Variants in LARGE1 observed in about 807,000 individuals in gnomAD.
LARGE1 encodes LARGE xylosyl- and glucuronyltransferase 1.
A neutral mutation model predicts 87.6 loss-of-function variants in LARGE1; 43 were observed. That is an observed-to-expected ratio of 0.49 (90% confidence interval 0.38 to 0.63). LARGE1 has a LOEUF of 0.63. Ranked by LOEUF, LARGE1 falls within the 30% of genes least tolerant of loss-of-function variation. The pLI is 0.00. For synonymous variants in LARGE1, 434 were observed against 394.6 expected, an observed-to-expected ratio of 1.10 and a Z score of -1.18; for missense variants, 802 against 1,000.2, an observed-to-expected ratio of 0.80 and a Z score of 2.67.
At chr22:33,068,087 C>G in the LARGE1 span, among the ~76,000 whole-genome samples, 1 of 152,050 alleles carries the variant, frequency 6.6e-6, no homozygotes, top group Admixed American at 6.6e-5. Context: ...AAATCCAGAA[C>G]CTGGAATGTA....
At chr22:33,861,860 C>CT (rs59657748) in intron 1 of LARGE1, among the ~76,000 whole-genome samples, 2,723 of 117,174 alleles carry the variant, frequency 0.023, 66 homozygotes, top group Non-Finnish European at 0.033. Context: ...CCCAGACATT[C>CT]TTTTTTTTTT....
At chr22:33,161,004 T>G (rs185315648), downstream of LARGE1, among the ~76,000 whole-genome samples, 4 of 152,212 alleles carry the variant, frequency 2.6e-5, no homozygotes, top group African/African-American at 9.6e-5. Context: ...AAGAACTGCC[T>G]GAGACTGAGT....
At position 33,496,660 on chromosome 22, in the gene LARGE1, T is replaced by C. The variant is rs571750755; in HGVS notation, c.788-64395A>G. Among the ~76,000 whole-genome samples the C allele has an allele frequency of 1.4e-4, 21 of 152,336 alleles. 1 individual carries two copies. In the South Asian group the frequency reaches 4.3e-3, roughly 32 times the overall value. Reference sequence around the variant, plus strand: ...GACCACGACAGGACTAAAGAAACACTCTTCTTTTCCGGCCAATGAACTACG... The same window carrying C: ...GACCACGACAGGACTAAAGAAACACCCTTCTTTTCCGGCCAATGAACTACG... On this transcript the variant is annotated intron_variant, in intron 6 of 14. Transcript: ENST00000397394.
chr22:33,074,401 G>C, the LARGE1 span, among the ~76,000 whole-genome samples: 1 of 152,324 alleles, frequency 6.6e-6, no homozygotes, highest in African/African-American at 2.4e-5. Flanking sequence ...CCGGCTGGGC[G>C]TGGTGGCTCA....
intron 11 of LARGE1, among the ~76,000 whole-genome samples, chr22:33,202,018 C>T (rs1232727815): frequency 6.6e-6 from 1 of 151,684 alleles, no homozygotes; most frequent in Admixed American, 6.6e-5. Context: ...CGCCTGTAGT[C>T]GCAGCTACTC....
chr22:33,282,256 A>C (rs1368036852), intron 13 of LARGE1, among the ~76,000 whole-genome samples: 5 of 152,214 alleles, frequency 3.3e-5, no homozygotes, highest in African/African-American at 1.2e-4. Context: ...GAGGCAGGAG[A>C]ATTGCTTGAA....
At chr22:33,279,048 C>A (rs1368699345) in intron 13 of LARGE1, among the ~76,000 whole-genome samples, 1 of 152,138 alleles carries the variant, frequency 6.6e-6, no homozygotes, top group Admixed American at 6.5e-5. Flanking sequence ...CCCTGTCCCC[C>A]ACACTTCCTG....
At chr22:33,322,511 T>G (rs1936844279) in intron 10 of LARGE1, 1 of 152,258 alleles carries the variant, frequency 6.6e-6, no homozygotes, top group Non-Finnish European at 1.5e-5. Context: ...CTAGGCTTGC[T>G]TATTGCTGAC....
intron 1 of LARGE1, among the ~76,000 whole-genome samples, chr22:33,850,079 AAAG>A (rs2063545134): frequency 6.6e-6 from 1 of 152,136 alleles, no homozygotes; most frequent in South Asian, 2.1e-4. Flanking sequence ...CAGAAAAGTA[AAAG>A]GAGGACCATA....
chr22:33,720,958 G>C (rs927316652), intron 2 of LARGE1, among the ~76,000 whole-genome samples: 2 of 152,242 alleles, frequency 1.3e-5, no homozygotes, highest in Non-Finnish European at 2.9e-5. Flanking sequence ...CTTTGGGTGG[G>C]TAATTTTTGG....
intron 6 of LARGE1, among the ~76,000 whole-genome samples, chr22:33,477,335 A>T (rs1330619133): frequency 6.6e-6 from 1 of 152,362 alleles, no homozygotes; most frequent in South Asian, 2.1e-4. Flanking sequence ...TTCAATCTCT[A>T]AAGAACTCTT....
intron 11 of LARGE1, among the ~76,000 whole-genome samples, chr22:33,254,776 T>A (rs1444902599): frequency 6.6e-6 from 1 of 152,170 alleles, no homozygotes; most frequent in Non-Finnish European, 1.5e-5. Context: ...ATTGATAGTA[T>A]CATTCTTCTT....
rs147218054 is a variant in LARGE1 at position 33,789,065 on chromosome 22, G to A, written c.-82-27507C>T. On this transcript the variant is annotated intron_variant, in intron 1 of 14. Coordinates refer to ENST00000397394, the MANE Select transcript of LARGE1 (RefSeq NM_133642.5). Reference sequence around the variant, plus strand: ...GAAAATGTCTCCAGGGCAAGTCAGAGGTCTTCACAGCAGCCCCTCACATCA... The same window carrying A: ...GAAAATGTCTCCAGGGCAAGTCAGAAGTCTTCACAGCAGCCCCTCACATCA... Among the ~76,000 whole-genome samples the A allele has an allele frequency of 4.6e-3, 699 of 152,324 alleles. 3 individuals carry two copies. Among genetic ancestry groups the A allele is most frequent in the African/African-American group, 0.015 (629 of 41,568 alleles).
At chr22:33,309,816 G>A (rs1223868954) in intron 11 of LARGE1, among the ~76,000 whole-genome samples, 1 of 152,086 alleles carries the variant, frequency 6.6e-6, no homozygotes, top group Non-Finnish European at 1.5e-5. Context: ...AGCACAGGAC[G>A]GTGAGGGGCA....
At chr22:33,135,911 T>C in the LARGE1 span, among the ~76,000 whole-genome samples, 1 of 152,114 alleles carries the variant, frequency 6.6e-6, no homozygotes, top group Non-Finnish European at 1.5e-5. Flanking sequence ...AAAATAATAG[T>C]TTATATTCAT....
Position 33,384,254 on chromosome 22 carries a change from T to C in LARGE1, c.943A>G (p.Met315Val). The change falls in exon 8 of 15, where the codon ATG becomes GTG. Residue 315 changes from methionine to valine, a missense_variant. Physicochemically the swap from Met to Val is conservative, Grantham distance 21 (BLOSUM62 1). This residue lies in a region of LARGE1 where 625 missense variants were observed against 841.9 expected (regional missense o/e 0.74). Coordinates refer to ENST00000397394, the MANE Select transcript of LARGE1 (RefSeq NM_133642.5). ...DKLRKMKWEQ[M>V]WRLTAERELM... ...TCCCTCTCTGCGGTCAGCCTCCACA[T>C]CTGCTCCCATTTCATCTTCCGCAGC... The C allele has an allele frequency of 6.2e-7, 1 of 1,614,106 alleles. No individual in the cohort carries two copies. Among genetic ancestry groups the C allele is most frequent in the Non-Finnish European group, 8.5e-7 (1 of 1,180,020 alleles).
intron 6 of LARGE1, among the ~76,000 whole-genome samples, chr22:33,478,892 A>C (rs929211497): frequency 6.6e-6 from 1 of 152,200 alleles, no homozygotes; most frequent in Non-Finnish European, 1.5e-5. Context: ...TTCCTAGAAC[A>C]TGGATGTTGG....
chr22:33,157,069 T>C, the LARGE1 span, among the ~76,000 whole-genome samples: 2 of 152,194 alleles, frequency 1.3e-5, no homozygotes, highest in Non-Finnish European at 2.9e-5. Flanking sequence ...ACCTTTCTTT[T>C]GCAAATTGCC....
chr22:33,552,098 A>G (rs942777589), intron 6 of LARGE1, among the ~76,000 whole-genome samples: 1 of 152,172 alleles, frequency 6.6e-6, no homozygotes, highest in Non-Finnish European at 1.5e-5. Context: ...AGGAAGGCTA[A>G]GTCAGTCATA....
Sources: allele counts gnomAD v4.1 joint callset (sites outside exome capture counted in the v4.1 genomes callset), GRCh38; gene constraint gnomAD v4.1.1; regional missense constraint gnomAD v4.1.1; transcripts MANE v1.5; gene names NCBI Gene and HGNC (gene_info 2026-07-23, HGNC 2026-07-21).